Variants in PPDPF observed in about 807,000 individuals in gnomAD.
PPDPF encodes the protein pancreatic progenitor cell differentiation and proliferation factor.
A neutral mutation model predicts 6.3 loss-of-function variants in PPDPF; 11 were observed. The observed-to-expected ratio is 1.76, with a 90% CI of 1.11 to 2.91. PPDPF has a LOEUF of 2.91. Ranked by LOEUF, PPDPF falls within the 30% of genes most tolerant of loss-of-function variation. The pLI, the probability that PPDPF is intolerant of heterozygous loss-of-function variation, is 0.00. For synonymous variants in PPDPF, 86 were observed against 64.5 expected (o/e 1.33, Z -1.60); for missense variants, 202 against 159.4 (o/e 1.27, Z -1.44).
At position 63,521,798 on chromosome 20, in the gene PPDPF, C is replaced by A; in HGVS notation, c.264C>A (p.Thr88=). ...SEPPQASSSM[T]ACGLARDAPR... ...CTCCCCAGGCCTCCAGCAGCATGAC[C>A]GCCTGTGGCCTGGCTCGGGACGCCC... The change falls in exon 4 of 4, where the codon ACC becomes ACA. Residue 88 remains threonine, a synonymous_variant. Coordinates refer to ENST00000370179, the MANE Select transcript of PPDPF (RefSeq NM_024299.4). The A allele has an allele frequency of 6.2e-7, 1 of 1,612,414 alleles. No homozygotes were observed. The highest frequency in any genetic ancestry group is 8.5e-7 in the Non-Finnish European group (1 of 1,179,868).
chr20:63,521,822 C>CCCGAGGAAGCAG lies in PPDPF; in HGVS notation c.291_302dup (p.Arg98_Pro101dup). 1.2e-6 allele frequency: 2 copies of CCCGAGGAAGCAG among 1,611,080 alleles called. No individual in the cohort carries two copies. The highest frequency in any genetic ancestry group is 1.7e-6 in the Non-Finnish European group (2 of 1,179,458). ...CCGCCTGTGGCCTGGCTCGGGACGC[C>CCCGAGGAAGCAG]CCGAGGAAGCAGCCCGGCGGTCAGT... On this transcript the variant is annotated inframe_insertion, in exon 4 of 4. Transcript: ENST00000370179.
intron 1 of PPDPF, 37 bp from the exon 2 acceptor site, chr20:63,521,247 C>T (rs2082541452): frequency 2.0e-6 from 3 of 1,516,944 alleles, no homozygotes; most frequent in Non-Finnish European, 2.7e-6. Context: ...TGACGGAAGG[C>T]CGCTGACCCG....
intron 2 of PPDPF, 21 bp from the exon 3 acceptor site, chr20:63,521,491 G>T (rs373572155): frequency 5.8e-6 from 9 of 1,562,956 alleles, no homozygotes; most frequent in Non-Finnish European, 7.8e-6. Context: ...CCGCGTTGCT[G>T]ACGGGACCTC....
Position 63,521,886 on chromosome 20 carries a change from C to T in PPDPF, c.*7C>T, listed in dbSNP as rs2082551943. ...CGCTGGGCCCCCGTCCTGACCTGAG[C>T]GGTTACCACCAGCCCCAGGCCTGCG... On this transcript the variant is annotated 3_prime_UTR_variant, in exon 4 of 4. Transcript: ENST00000370179. 6.4e-7 allele frequency: 1 copy of T among 1,570,188 alleles called. No homozygotes were observed. Among genetic ancestry groups the T allele is most frequent in the Non-Finnish European group, 8.6e-7 (1 of 1,158,548 alleles).
At position 63,521,530 on chromosome 20, in the gene PPDPF, CCAGCAACAG is replaced by C. The variant is rs768874967; in HGVS notation, c.76_84del (p.Asn27_Ser29del). 6.3e-7 allele frequency: 1 copy of C among 1,585,196 alleles called. No homozygotes were observed. The highest frequency in any genetic ancestry group is 2.2e-5 in the East Asian group (1 of 44,558). ...TCTCCAGGCCGCCTGGGTTCCACTT[CCAGCAACAG>C]CTCCTGCAGCAGTACCGAGTGCCCC... On this transcript the variant is annotated inframe_deletion, in exon 3 of 4. Coordinates refer to ENST00000370179, the MANE Select transcript of PPDPF (RefSeq NM_024299.4).
Position 63,522,035 on chromosome 20 carries a change from A to G in PPDPF, c.*156A>G, listed in dbSNP as rs1212344057. On this transcript the variant is annotated 3_prime_UTR_variant, in exon 4 of 4. Transcript: ENST00000370179. The stretch of plus-strand genomic sequence containing the variant: ...GCTGCAGCAAGCAGACCTTCGCATC[A>G]ACACAGCAGACACCAAAAACCAGTG... 6.1e-6 allele frequency: 4 copies of G among 650,654 alleles called. No homozygotes were observed. The highest frequency in any genetic ancestry group is 5.6e-6 in the Non-Finnish European group (2 of 358,638). The allele number at this position is 650,654 out of a possible 1,614,324, so 40.3% of individuals were successfully genotyped here.
chr20:63,521,917 G>T lies in PPDPF; in HGVS notation c.*38G>T. 6.6e-7 allele frequency: 1 copy of T among 1,515,676 alleles called. No individual in the cohort carries two copies. Among genetic ancestry groups the T allele is most frequent in the Non-Finnish European group, 8.9e-7 (1 of 1,121,490 alleles). 93.9% of individuals were successfully genotyped at this position (1,515,676 alleles called of 1,614,324 possible). A position where few individuals can be genotyped will look rare whatever the true frequency, so the allele number is the denominator to read the frequency against. On this transcript the variant is annotated 3_prime_UTR_variant, in exon 4 of 4. Transcript: ENST00000370179. ...CCACCAGCCCCAGGCCTGCGGAGGC[G>T]CTAGTCCACCAGAGCCCCTCCCCGC...
At position 63,521,271 on chromosome 20, in the gene PPDPF, C is replaced by A; in HGVS notation, c.-25-13C>A. On this transcript the variant is annotated splice_polypyrimidine_tract_variant and intron_variant, in intron 1 of 3. Coordinates refer to ENST00000370179, the MANE Select transcript of PPDPF (RefSeq NM_024299.4). ...GCCGCTGACCCGAGGGGCTCCTCCA[C>A]CCCCATGCGCAGATCCCACCAGCCA... is the stretch of plus-strand genomic sequence containing the variant. 6.3e-7 allele frequency: 1 copy of A among 1,581,282 alleles called. No homozygotes were observed. The highest frequency in any genetic ancestry group is 8.6e-7 in the Non-Finnish European group (1 of 1,162,294).
In PPDPF at chr20:63,521,967, GCCCCCCTC is replaced by G. The variant is rs2082553431; in HGVS notation, c.*92_*99del. On this transcript the variant is annotated 3_prime_UTR_variant, in exon 4 of 4. Coordinates refer to ENST00000370179, the MANE Select transcript of PPDPF (RefSeq NM_024299.4). The stretch of plus-strand genomic sequence containing the variant: ...CCCCTCTCCCCACTCCGCATCCCTC[GCCCCCCTC>G]CCCACCTCCCACCCCCCACCCTGTA... The G allele has an allele frequency of 4.8e-6, 4 of 829,564 alleles. No individual in the cohort carries two copies. Among genetic ancestry groups the G allele is most frequent in the East Asian group, 6.1e-5 (2 of 32,784 alleles). The allele number at this position is 829,564 out of a possible 1,614,324, so 51.4% of individuals were successfully genotyped here.
Position 63,521,749 on chromosome 20 carries a change from T to TG in PPDPF, c.217dup (p.Glu73GlyfsTer45). On this transcript the variant is annotated frameshift_variant, in exon 4 of 4. Coordinates refer to ENST00000370179, the MANE Select transcript of PPDPF (RefSeq NM_024299.4). LOFTEE classifies it low-confidence loss of function (END_TRUNC). ...ACCCTCCCGTTCATGGCCACGGTGT[T>TG]GGAGTCCGCAGAGCACTCGGAACCT... 4 of 1,613,130 alleles carry TG rather than the reference T, an allele frequency of 2.5e-6. No individual in the cohort carries two copies. Among genetic ancestry groups the TG allele is most frequent in the Middle Eastern group, 1.7e-4 (1 of 6,056 alleles).
chr20:63,520,756 C>T (rs1271726172), upstream of PPDPF: 1 of 984,780 alleles, frequency 1.0e-6, no homozygotes, highest in East Asian at 1.1e-4. Context: ...GGCGCGTCCG[C>T]GCGTGCGCAC....
At chr20:63,521,422 G>T in intron 2 of PPDPF, 59 bp downstream of exon 2, 1 of 1,588,078 alleles carries the variant, frequency 6.3e-7, no homozygotes, top group Non-Finnish European at 8.6e-7. Context: ...TGCCGGCCCC[G>T]TGCAGGCTGC....
Position 63,521,868 on chromosome 20 carries a change from C to A in PPDPF, c.334C>A (p.Pro112Thr), listed in dbSNP as rs779231314. The A allele has an allele frequency of 8.2e-6, 13 of 1,589,508 alleles. No homozygotes were observed. In the East Asian group the frequency reaches 2.5e-4, roughly 31 times the overall value. The part of the protein sequence containing the change: ...GGQSSTASAG[P>T]PS ...TCAGTCCAGCACAGCCAGCGCTGGG[C>A]CCCCGTCCTGACCTGAGCGGTTACC... The change falls in exon 4 of 4, where the codon CCC becomes ACC. Residue 112 changes from proline (P) to threonine (T), a missense_variant. Coordinates refer to ENST00000370179, the MANE Select transcript of PPDPF (RefSeq NM_024299.4).
chr20:63,521,851 G>T lies in PPDPF; in HGVS notation c.317G>T (p.Ser106Ile). 1 of 1,602,386 alleles carries T rather than the reference G, an allele frequency of 6.2e-7. No individual in the cohort carries two copies. The highest frequency in any genetic ancestry group is 8.5e-7 in the Non-Finnish European group (1 of 1,175,494). The change falls in exon 4 of 4, where the codon AGC becomes ATC. Residue 106 changes from serine (S) to isoleucine (I), a missense_variant. Transcript: ENST00000370179. ...APRKQPGGQS[S>I]TASAGPPS ...AGGAAGCAGCCCGGCGGTCAGTCCA[G>T]CACAGCCAGCGCTGGGCCCCCGTCC...
At position 63,520,846 on chromosome 20, in the gene PPDPF, C is replaced by T. The variant is rs1308156213; in HGVS notation, c.-74C>T. ...GGCTCCGTGGCCTAGCGCCCCCGTC[C>T]CCGCCACCCGTGATCGTGCGCCGAG... On this transcript the variant is annotated 5_prime_UTR_variant, in exon 1 of 4. Coordinates refer to ENST00000370179, the MANE Select transcript of PPDPF (RefSeq NM_024299.4). The T allele has an allele frequency of 1.0e-6, 1 of 987,766 alleles. No homozygotes were observed. The highest frequency in any genetic ancestry group is 1.2e-6 in the Non-Finnish European group (1 of 831,886). The allele number at this position is 987,766 out of a possible 1,614,324, so 61.2% of individuals were successfully genotyped here. A position where few individuals can be genotyped will look rare whatever the true frequency, so the allele number is the denominator to read the frequency against.
Position 63,520,823 on chromosome 20 carries a change from C to T in PPDPF, c.-97C>T, listed in dbSNP as rs904989646. ...TCCCGCGGTCTTCTCTGCAAATGGG[C>T]TCCGTGGCCTAGCGCCCCCGTCCCC... On this transcript the variant is annotated 5_prime_UTR_variant, in exon 1 of 4. Transcript: ENST00000370179. The T allele has an allele frequency of 2.0e-6, 2 of 985,416 alleles. No homozygotes were observed. Among genetic ancestry groups the T allele is most frequent in the African/African-American group, 1.8e-5 (1 of 57,022 alleles). 61.0% of individuals were successfully genotyped at this position (985,416 alleles called of 1,614,324 possible). A position where few individuals can be genotyped will look rare whatever the true frequency, so the allele number is the denominator to read the frequency against.
At chr20:63,521,430 T>A in intron 2 of PPDPF, 67 bp downstream of exon 2, 2 of 1,584,168 alleles carry the variant, frequency 1.3e-6, no homozygotes, top group South Asian at 1.1e-5. Context: ...CCGTGCAGGC[T>A]GCGGAACCAG....
In PPDPF at chr20:63,520,976, C is replaced by T. The variant is rs918915887; in HGVS notation, c.-26+82C>T. On this transcript the variant is annotated intron_variant, in intron 1 of 3. Coordinates refer to ENST00000370179, the MANE Select transcript of PPDPF (RefSeq NM_024299.4). ...GCGGGGCTGGGCCGGGGGCTCCTCT[C>T]CTCTCCGCCTGGCGAGCGCTGGGCT... 10 of 994,490 alleles carry T rather than the reference C, an allele frequency of 1.0e-5. No homozygotes were observed. In the East Asian group the frequency reaches 4.3e-4, roughly 43 times the overall value. The allele number at this position is 994,490 out of a possible 1,614,324, so 61.6% of individuals were successfully genotyped here.
intron 1 of PPDPF, 120 bp downstream of exon 1, chr20:63,521,014 C>A (rs1171609705): frequency 5.4e-6 from 2 of 372,208 alleles, no homozygotes; most frequent in Non-Finnish European, 8.7e-6. Context: ...GGGTCCCCGG[C>A]GGGCTCCTCT....
Sources: allele counts gnomAD v4.1 joint callset, GRCh38; gene constraint gnomAD v4.1.1; transcripts MANE v1.5; gene names NCBI Gene and HGNC (gene_info 2026-07-23, HGNC 2026-07-21).